CALB2: variants seen among roughly 807,000 people sequenced by gnomAD.
The protein encoded by CALB2 is calbindin 2, also known as calretinin.
A neutral mutation model predicts 45.9 loss-of-function variants in CALB2; 34 were observed. The ratio of observed to expected loss-of-function variants is 0.74; its 90% CI spans 0.56 to 0.99. The LOEUF is 0.99. CALB2 is among the 50% of genes least tolerant of loss of function. CALB2 has a pLI of 0.00. For synonymous variants in CALB2, 142 were observed against 129.6 expected (o/e 1.10, Z -0.65); for missense variants, 344 against 339.3 (o/e 1.01, Z -0.11).
chr16:71,374,700 C>T (rs878939001), intron 2 of CALB2, 45 bp from the exon 3 acceptor site: 1 of 1,313,754 alleles, frequency 7.6e-7, no homozygotes, highest in Non-Finnish European at 1.1e-6. Context: ...TCATGGTTCA[C>T]ATGAGATACA....
Position 71,389,725 on chromosome 16 carries a change from T to C in CALB2, c.700-24T>C, listed in dbSNP as rs1255656708. On this transcript the variant is annotated intron_variant, in intron 10 of 10. Transcript: ENST00000302628. ...TCGGGACCATCCCCTGAACCTGCTCTTACCCTCTCCCTGTATTTCCTAGGA... is the reference window on the plus strand; with the variant it reads ...TCGGGACCATCCCCTGAACCTGCTCCTACCCTCTCCCTGTATTTCCTAGGA... The C allele has an allele frequency of 3.2e-6, 5 of 1,581,030 alleles. No individual in the cohort carries two copies. The Middle Eastern group carries it at 5.0e-4, about 158-fold the overall frequency.
At chr16:71,361,498 C>T (rs2042238101) in intron 1 of CALB2, among the ~76,000 whole-genome samples, 1 of 152,106 alleles carries the variant, frequency 6.6e-6, no homozygotes, top group African/African-American at 2.4e-5. Context: ...CTAAGAGTAC[C>T]CCCTACCACT....
intron 9 of CALB2, chr16:71,385,344 A>G (rs942934873): frequency 4.3e-6 from 2 of 466,538 alleles, no homozygotes; most frequent in Non-Finnish European, 7.6e-6. Flanking sequence ...TAAATTTTCA[A>G]CGCACATGAA....
chr16:71,377,674 A>G lies in CALB2; in HGVS notation c.269A>G (p.Gln90Arg). ...CTCTCTGTATCTTCACAGCTGGCGC[A>G]GATCCTGCCAACCGAAGAGAACTTC... ...DGKIEMAELA[Q>R]ILPTEENFLL... The change falls in exon 4 of 11, where the codon CAG becomes CGG. Residue 90 changes from glutamine to arginine, a missense_variant. This residue lies in a region of CALB2 where 263 missense variants were observed against 241.7 expected (regional missense o/e 1.09). Transcript: ENST00000302628. 3 of 1,613,422 alleles carry G rather than the reference A, an allele frequency of 1.9e-6. No individual in the cohort carries two copies. The highest frequency in any genetic ancestry group is 8.5e-7 in the Non-Finnish European group (1 of 1,179,496).
chr16:71,379,136 GC>G (rs1301480318), intron 4 of CALB2, among the ~76,000 whole-genome samples: 1 of 151,998 alleles, frequency 6.6e-6, no homozygotes, highest in East Asian at 1.9e-4. Context: ...AATTAGCTGG[GC>G]ATGGTGGTGC....
chr16:71,385,410 T>C, intron 9 of CALB2, 167 bp from the exon 10 acceptor site: 1 of 508,026 alleles, frequency 2.0e-6, no homozygotes, highest in Non-Finnish European at 3.5e-6. Context: ...CTTCCTGCCA[T>C]GACTGGTTAA....
intron 1 of CALB2, among the ~76,000 whole-genome samples, chr16:71,370,707 G>A (rs1378068827): frequency 6.6e-6 from 1 of 152,058 alleles, no homozygotes; most frequent in African/African-American, 2.4e-5. Context: ...CTCTAGCCTG[G>A]GCAACACAGC....
At chr16:71,377,321 C>T (rs2042427985) in intron 3 of CALB2, among the ~76,000 whole-genome samples, 1 of 152,188 alleles carries the variant, frequency 6.6e-6, no homozygotes, top group Non-Finnish European at 1.5e-5. Context: ...TTACCCCAGG[C>T]AACCACCCAT....
chr16:71,386,236 ATTCTC>A (rs1476344946), intron 10 of CALB2, among the ~76,000 whole-genome samples: 2 of 152,200 alleles, frequency 1.3e-5, no homozygotes, highest in African/African-American at 4.8e-5. Context: ...TTGTTTACCC[ATTCTC>A]TTCTGTGGAC....
intron 4 of CALB2, among the ~76,000 whole-genome samples, chr16:71,379,391 CTT>C (rs894334246): frequency 5.9e-5 from 9 of 152,232 alleles, no homozygotes; most frequent in African/African-American, 2.2e-4. Context: ...ATTCATGTCT[CTT>C]GAGTAATATT....
At chr16:71,384,260 C>T (rs953789565) in intron 7 of CALB2, 79 bp from the exon 8 acceptor site, 5 of 1,215,614 alleles carry the variant, frequency 4.1e-6, no homozygotes, top group Admixed American at 3.4e-5. Flanking sequence ...TAACTGCAGG[C>T]ACCGCCTCTG....
chr16:71,364,004 G>A (rs1456585275), intron 1 of CALB2, among the ~76,000 whole-genome samples: 1 of 152,140 alleles, frequency 6.6e-6, no homozygotes, highest in African/African-American at 2.4e-5. Context: ...CCCATCTGGG[G>A]TAGGCCCTGG....
chr16:71,381,409 C>CAA (rs72039915), intron 4 of CALB2, among the ~76,000 whole-genome samples: 127 of 134,610 alleles, frequency 9.4e-4, no homozygotes, highest in African/African-American at 2.0e-3. Context: ...TGTCTTGTGA[C>CAA]AAAAAAAAAA....
chr16:71,362,418 C>T (rs1300113878), intron 1 of CALB2, among the ~76,000 whole-genome samples: 1 of 152,228 alleles, frequency 6.6e-6, no homozygotes, highest in South Asian at 2.1e-4. Flanking sequence ...GAACATCCTA[C>T]TCCCTTCCAA....
intron 1 of CALB2, among the ~76,000 whole-genome samples, chr16:71,369,509 G>A (rs1446467398): frequency 1.3e-5 from 2 of 152,132 alleles, no homozygotes; most frequent in African/African-American, 4.8e-5. Context: ...AAGTGGAGGC[G>A]GCTCTTGGAA....
intron 4 of CALB2, among the ~76,000 whole-genome samples, chr16:71,382,165 G>GAAAAT (rs2042505740): frequency 1.1e-5 from 1 of 89,776 alleles, no homozygotes; most frequent in African/African-American, 3.7e-5. Flanking sequence ...AGAAAATAAA[G>GAAAAT]GAAGGAAGGA....
Position 71,377,715 on chromosome 16 carries a change from C to A in CALB2, c.310C>A (p.Gln104Lys). Residue 104 changes from glutamine to lysine, a missense_variant, in exon 4 of 11, where the codon CAG (glutamine) becomes AAG (lysine). By Grantham distance (53) the Gln-to-Lys change is moderately conservative. Coordinates refer to ENST00000302628, the MANE Select transcript of CALB2 (RefSeq NM_001740.5). The part of the protein sequence containing the change: ...TEENFLLCFR[Q>K]HVGSSAEFME... ...AGAGAACTTCCTTCTGTGCTTCAGGCAGCACGTGGGCTCCAGCGCCGAGTT... is the reference window on the plus strand; with the variant it reads ...AGAGAACTTCCTTCTGTGCTTCAGGAAGCACGTGGGCTCCAGCGCCGAGTT... 1 of 1,614,030 alleles carries A rather than the reference C, an allele frequency of 6.2e-7. No individual in the cohort carries two copies. Among genetic ancestry groups the A allele is most frequent in the Non-Finnish European group, 8.5e-7 (1 of 1,179,928 alleles).
intron 4 of CALB2, among the ~76,000 whole-genome samples, chr16:71,378,777 AC>A (rs1241857415): frequency 2.0e-5 from 3 of 152,046 alleles, no homozygotes; most frequent in Non-Finnish European, 4.4e-5. Flanking sequence ...AATAAAGAAA[AC>A]CGTGCCACTC....
At chr16:71,364,076 C>A (rs950672755) in intron 1 of CALB2, among the ~76,000 whole-genome samples, 2 of 152,150 alleles carry the variant, frequency 1.3e-5, no homozygotes, top group African/African-American at 4.8e-5. Context: ...TCACTAACAG[C>A]GTCCTTGGGT....
Sources: allele counts gnomAD v4.1 joint callset (sites outside exome capture counted in the v4.1 genomes callset), GRCh38; gene constraint gnomAD v4.1.1; regional missense constraint gnomAD v4.1.1; transcripts MANE v1.5; gene names NCBI Gene and HGNC (gene_info 2026-07-23, HGNC 2026-07-21).